NPEPPS: variants seen among roughly 807,000 people sequenced by gnomAD.
The protein encoded by NPEPPS is aminopeptidase puromycin sensitive, also known as puromycin-sensitive aminopeptidase.
A neutral mutation model predicts 115.5 loss-of-function variants in NPEPPS; 14 were observed. The ratio of observed to expected loss-of-function variants is 0.12; its 90% CI spans 0.08 to 0.19. The LOEUF is 0.19. Among genes scored for constraint, NPEPPS ranks in the 10% least tolerant of loss-of-function variants. The pLI is 1.00. For missense variants in NPEPPS, 523 were observed against 1,110.8 expected, an observed-to-expected ratio of 0.47 and a Z score of 7.52; for synonymous variants, 285 against 390.6, an observed-to-expected ratio of 0.73 and a Z score of 3.19.
In NPEPPS at chr17:47,567,760, T is replaced by C. The variant is rs577398576; in HGVS notation, c.341-1657T>C. On this transcript the variant is annotated intron_variant, in intron 2 of 22. Transcript: ENST00000322157. ...CTTTCAGCCTCCATAGATTGCCCTG[T>C]TATGGACAAATATGTGGCTGGTTTC... Among the ~76,000 whole-genome samples, 448 of 152,250 alleles carry C rather than the reference T, an allele frequency of 2.9e-3. 1 individual carries two copies. Among genetic ancestry groups the C allele is most frequent in the Non-Finnish European group, 5.0e-3 (341 of 68,020 alleles).
intron 21 of NPEPPS, 117 bp downstream of exon 21, chr17:47,619,281 C>T: frequency 9.7e-7 from 1 of 1,029,696 alleles, no homozygotes; most frequent in South Asian, 1.4e-5. Flanking sequence ...TGGCCAGGTG[C>T]AGTGGCTCAC....
intron 2 of NPEPPS, among the ~76,000 whole-genome samples, chr17:47,547,013 TAA>T (rs1909265005): frequency 6.6e-6 from 1 of 152,198 alleles, no homozygotes; most frequent in African/African-American, 2.4e-5. Context: ...ATGTTTTTCT[TAA>T]AGTTTTTTTT....
At chr17:47,541,823 G>A (rs1908790652) in intron 1 of NPEPPS, among the ~76,000 whole-genome samples, 1 of 152,160 alleles carries the variant, frequency 6.6e-6, no homozygotes. Flanking sequence ...AAGGAATATT[G>A]CTGCTTAAAA....
At chr17:47,586,709 A>G (rs745727061) in intron 8 of NPEPPS, 1 of 502,756 alleles carries the variant, frequency 2.0e-6, no homozygotes, top group South Asian at 1.5e-5. Context: ...CTAATTTCAT[A>G]TCTTCTAGCC....
chr17:47,577,260 A>T (rs569627996), intron 3 of NPEPPS: 393 of 424,052 alleles, frequency 9.3e-4, no homozygotes, highest in African/African-American at 7.5e-3. Context: ...AATTATATTT[A>T]AAAAACATCT....
intron 19 of NPEPPS, among the ~76,000 whole-genome samples, chr17:47,617,644 T>C (rs1169237052): frequency 6.6e-6 from 1 of 152,214 alleles, no homozygotes; most frequent in South Asian, 2.1e-4. Context: ...TTTTCACTAT[T>C]ATAAATTAAT....
In NPEPPS at chr17:47,619,737, C is replaced by G. The variant is rs749564117; in HGVS notation, c.2560C>G (p.Leu854Val). 3.1e-5 allele frequency: 50 copies of G among 1,613,052 alleles called. No homozygotes were observed. The highest frequency in any genetic ancestry group is 4.1e-5 in the Non-Finnish European group (48 of 1,179,246). ...GGFLISRLIK[L>V]SVEGFAVDKM... ...ACTGTTTAAAACCATTGTTTTGCAG[C>G]TATCAGTTGAGGGATTTGCAGTTGA... The change falls in exon 22 of 23, where the codon CTA (leucine) becomes GTA (valine). Residue 854 changes from leucine to valine, a missense_variant and splice_region_variant. By Grantham distance (32) the Leu-to-Val change is conservative (BLOSUM62 1). Transcript: ENST00000322157.
intron 2 of NPEPPS, among the ~76,000 whole-genome samples, chr17:47,553,749 GTC>G (rs1046858654): frequency 3.3e-5 from 5 of 151,186 alleles, no homozygotes; most frequent in African/African-American, 4.9e-5. Context: ...TGTTGTGTGC[GTC>G]TCTCTCTCTT....
intron 12 of NPEPPS, among the ~76,000 whole-genome samples, chr17:47,593,787 A>C (rs936188435): frequency 6.6e-6 from 1 of 152,210 alleles, no homozygotes; most frequent in African/African-American, 2.4e-5. Flanking sequence ...ACTGAATACC[A>C]TAGGCAATTA....
chr17:47,563,145 C>T (rs545177200), intron 2 of NPEPPS, among the ~76,000 whole-genome samples: 56 of 152,016 alleles, frequency 3.7e-4, no homozygotes, highest in African/African-American at 1.4e-3. Context: ...GATTCTCCTG[C>T]CTCAGCCTCC....
At position 47,542,435 on chromosome 17, in the gene NPEPPS, A is replaced by G. The variant is rs139527742; in HGVS notation, c.256-3474A>G. ...GTGGCACATGCCTGTAATCCCAGCT[A>G]CTAGGGAGGCTGAGGCAGGAAAATC... is the stretch of plus-strand genomic sequence containing the variant. On this transcript the variant is annotated intron_variant, in intron 1 of 22. Transcript: ENST00000322157. Among the ~76,000 whole-genome samples, 1,456 of 151,770 alleles carry G rather than the reference A, an allele frequency of 9.6e-3. 13 individuals are homozygous for G. Among genetic ancestry groups the G allele is most frequent in the Non-Finnish European group, 0.016 (1,085 of 67,956 alleles).
intron 1 of NPEPPS, among the ~76,000 whole-genome samples, chr17:47,538,934 A>G (rs978507341): frequency 9.2e-5 from 14 of 151,946 alleles, no homozygotes; most frequent in African/African-American, 3.4e-4. Flanking sequence ...TCCCTCTTGT[A>G]TTTTACTGAA....
At chr17:47,601,341 ATTAAGT>A (rs1000567072) in intron 14 of NPEPPS, among the ~76,000 whole-genome samples, 2 of 152,186 alleles carry the variant, frequency 1.3e-5, no homozygotes, top group African/African-American at 4.8e-5. Flanking sequence ...GAAAATGATA[ATTAAGT>A]TTAAGTCATT....
intron 1 of NPEPPS, among the ~76,000 whole-genome samples, chr17:47,535,242 CAAAAAAAAA>C (rs1163530675): frequency 1.1e-4 from 6 of 57,112 alleles, no homozygotes; most frequent in Admixed American, 6.3e-4. Flanking sequence ...GACTCTGTCT[CAAAAAAAAA>C]AAAAAAAAAA....
At position 47,621,895 on chromosome 17, in the gene NPEPPS, G is replaced by A. The variant is rs201842079; in HGVS notation, c.2735G>A (p.Arg912Gln). ...AESIHQYLLQ[R>Q]KASPPTV is the part of the protein sequence containing the mutation. ...AGCATCCACCAGTACCTCCTTCAGC[G>A]GAAGGCCTCACCACCCACAGTGTGA... The change falls in exon 23 of 23, where the codon CGG becomes CAG. Residue 912 changes from arginine to glutamine, a missense_variant. Coordinates refer to ENST00000322157, the MANE Select transcript of NPEPPS (RefSeq NM_006310.4). The A allele has an allele frequency of 5.0e-5, 81 of 1,612,912 alleles. No homozygotes were observed. The highest frequency in any genetic ancestry group is 1.7e-4 in the Middle Eastern group (1 of 5,958).
At chr17:47,523,902 T>C (rs1907317651) in intron 1 of NPEPPS, among the ~76,000 whole-genome samples, 1 of 152,214 alleles carries the variant, frequency 6.6e-6, no homozygotes, top group South Asian at 2.1e-4. Flanking sequence ...TTTTGTGTCC[T>C]CATATTTGTC....
chr17:47,526,190 CA>C (rs1907427624), upstream of NPEPPS, among the ~76,000 whole-genome samples: 1 of 152,018 alleles, frequency 6.6e-6, no homozygotes, highest in Non-Finnish European at 1.5e-5. Flanking sequence ...CCAGCCTGGG[CA>C]ACAAAAGCAA....
chr17:47,575,580 A>AATTATTATT (rs10646632), intron 3 of NPEPPS, among the ~76,000 whole-genome samples: 2,468 of 144,058 alleles, frequency 0.017, 60 homozygotes, highest in Admixed American at 0.052. Flanking sequence ...GACAATATTG[A>AATTATTATT]ATTATTATTA....
intron 2 of NPEPPS, among the ~76,000 whole-genome samples, chr17:47,556,847 T>C (rs1381436147): frequency 6.6e-6 from 1 of 152,204 alleles, no homozygotes; most frequent in Non-Finnish European, 1.5e-5. Flanking sequence ...TTTCCCCACG[T>C]TGGCCAGGCT....
Sources: gnomAD v4.1 joint callset for allele counts (sites outside exome capture counted in the v4.1 genomes callset) on GRCh38, gnomAD v4.1.1 for gene constraint, MANE v1.5 for transcripts, NCBI Gene and HGNC (gene_info 2026-07-23, HGNC 2026-07-21) for gene names.